TP53BP2: variants seen among roughly 807,000 people sequenced by gnomAD.
TP53BP2 encodes tumor protein p53 binding protein 2, also known as apoptosis-stimulating of p53 protein 2.
Under a neutral mutation model 126.2 loss-of-function variants are expected in TP53BP2, and 62 were observed. That is an observed-to-expected ratio of 0.49 (90% confidence interval 0.40 to 0.61). The LOEUF (loss-of-function observed/expected upper bound fraction) is 0.61. TP53BP2 is among the 20% of genes least tolerant of loss of function. The pLI is 0.00. For synonymous variants in TP53BP2, 485 were observed against 502.9 expected (o/e 0.96, Z 0.48); for missense variants, 1,215 against 1,402.8 (o/e 0.87, Z 2.14).
intron 4 of TP53BP2, among the ~76,000 whole-genome samples, chr1:223,808,520 G>A (rs553864663): frequency 2.0e-4 from 29 of 147,004 alleles, no homozygotes; most frequent in African/African-American, 7.2e-4. Flanking sequence ...CAGCCTAGGC[G>A]ACAGAGTGAG....
intron 16 of TP53BP2, among the ~76,000 whole-genome samples, chr1:223,786,260 C>T (rs918102210): frequency 6.6e-6 from 1 of 152,080 alleles, no homozygotes; most frequent in African/African-American, 2.4e-5. Flanking sequence ...GAATGCTAAA[C>T]GTAAAAGCGG....
chr1:223,811,452 A>AT (rs1439191868), intron 3 of TP53BP2, among the ~76,000 whole-genome samples: 6 of 152,200 alleles, frequency 3.9e-5, no homozygotes, highest in African/African-American at 1.4e-4. Context: ...TAATTCTAAT[A>AT]TGATCAGCTT....
In TP53BP2 at chr1:223,793,368, G is replaced by C; in HGVS notation, c.2797C>G (p.Leu933Val). The change falls in exon 14 of 18, where the codon CTT becomes GTT. Residue 933 changes from leucine to valine, a missense_variant. Around this residue, in one of 4 missense-constraint regions of TP53BP2, gnomAD observed 204 missense variants for 225.7 expected, o/e 0.90. Coordinates refer to ENST00000343537, the MANE Select transcript of TP53BP2 (RefSeq NM_001031685.3). ...AAAGACGAATCTAGCAGTAAAGCAA[G>C]GGGGTTGAATTTCACCCTCATTCCA... ...AHGMRVKFNP[L>V]ALLLDSSLEG... 3 of 1,611,912 alleles carry C rather than the reference G, an allele frequency of 1.9e-6. No homozygotes were observed. The highest frequency in any genetic ancestry group is 2.5e-6 in the Non-Finnish European group (3 of 1,179,044).
intron 2 of TP53BP2, among the ~76,000 whole-genome samples, chr1:223,819,055 T>C (rs995452396): frequency 4.0e-5 from 6 of 151,574 alleles, no homozygotes; most frequent in Admixed American, 3.9e-4. Flanking sequence ...TGGTGGCGTA[T>C]GCCTGTAATC....
intron 4 of TP53BP2, among the ~76,000 whole-genome samples, chr1:223,809,865 T>C (rs1290948695): frequency 1.2e-4 from 18 of 152,258 alleles, no homozygotes; most frequent in South Asian, 2.1e-4. Flanking sequence ...TCACTCTTGT[T>C]GCCCAGGCTG....
intron 2 of TP53BP2, among the ~76,000 whole-genome samples, chr1:223,816,164 T>C (rs970839850): frequency 6.6e-6 from 1 of 152,236 alleles, no homozygotes; most frequent in African/African-American, 2.4e-5. Flanking sequence ...ATTATAAATG[T>C]CTGTGGATAC....
intron 1 of TP53BP2, among the ~76,000 whole-genome samples, chr1:223,832,379 T>G (rs1034827598): frequency 6.6e-6 from 1 of 152,192 alleles, no homozygotes; most frequent in Non-Finnish European, 1.5e-5. Flanking sequence ...TGTAGAGAGA[T>G]TAGGGGAAAA....
chr1:223,831,470 AAAAAAAAAAAAT>A (rs1482217588), intron 1 of TP53BP2, among the ~76,000 whole-genome samples: 4 of 33,546 alleles, frequency 1.2e-4, no homozygotes, highest in African/African-American at 5.3e-4. Context: ...ACCATCTAAA[AAAAAAAAAAAAT>A]ATATATATAT....
chr1:223,806,223 G>A (rs1261005866), intron 5 of TP53BP2, among the ~76,000 whole-genome samples: 2 of 152,124 alleles, frequency 1.3e-5, no homozygotes, highest in African/African-American at 4.8e-5. Flanking sequence ...GTGGCCCAGA[G>A]TAGTTCCTAG....
At position 223,792,520 on chromosome 1, in the gene TP53BP2, A is replaced by G. The variant is rs1165653448; in HGVS notation, c.2865T>C (p.Val955=). The change falls in exon 15 of 18, where the codon GTT becomes GTC. Residue 955 remains valine (V), a splice_region_variant and synonymous_variant. Coordinates refer to ENST00000343537, the MANE Select transcript of TP53BP2 (RefSeq NM_001031685.3). ...FDLVQRIIYE[V]DDPSLPNDEG... ...CATCATTGGGGAGGCTTGGGTCATCAACCTATATCAAGAAGAAGGGTGAGC... is the reference window on the plus strand; with the variant it reads ...CATCATTGGGGAGGCTTGGGTCATCGACCTATATCAAGAAGAAGGGTGAGC... The G allele has an allele frequency of 1.2e-6, 2 of 1,613,886 alleles. No homozygotes were observed. The highest frequency in any genetic ancestry group is 1.1e-5 in the South Asian group (1 of 91,058).
intron 3 of TP53BP2, among the ~76,000 whole-genome samples, chr1:223,812,841 C>T (rs187683307): frequency 2.0e-4 from 31 of 152,192 alleles, no homozygotes; most frequent in Admixed American, 8.5e-4. Flanking sequence ...GGATTACAGG[C>T]GTGAGCCACC....
chr1:223,808,312 C>G (rs1045284047), intron 4 of TP53BP2, among the ~76,000 whole-genome samples: 1 of 141,234 alleles, frequency 7.1e-6, no homozygotes, highest in Admixed American at 6.7e-5. Context: ...CACCTGAGGT[C>G]AGTGGATCAC....
rs1209744882 is a variant in TP53BP2 at position 223,804,230 on chromosome 1, T to C, written c.593A>G (p.Lys198Arg). ...CACGTGGCCTTTAAGTGCTCTCACT[T>C]TTTTTAGCTTAGCTTCCTGATTCTC... ...IAENQEAKLK[K>R]VRALKGHVEQ... Residue 198 changes from lysine to arginine, a missense_variant, in exon 6 of 18, where the codon AAA becomes AGA. This residue lies in a region of TP53BP2 where 814 missense variants were observed against 853.0 expected (regional missense o/e 0.95). Transcript: ENST00000343537. The C allele has an allele frequency of 5.0e-6, 8 of 1,614,186 alleles. No homozygotes were observed. Among genetic ancestry groups the C allele is most frequent in the Middle Eastern group, 1.7e-4 (1 of 6,060 alleles).
In TP53BP2 at chr1:223,803,384, T is replaced by C; in HGVS notation, c.718A>G (p.Lys240Glu). The change falls in exon 7 of 18, where the codon AAA becomes GAA. Residue 240 changes from lysine (K) to glutamate (E), a missense_variant. By Grantham distance (56) the Lys-to-Glu change is moderately conservative. Coordinates refer to ENST00000343537, the MANE Select transcript of TP53BP2 (RefSeq NM_001031685.3). ...AGCTGCCTGGTCAGTTCTTCTACTT[T>C]TGACACAGCCAGGACGAGCTCCCTC... is the stretch of plus-strand genomic sequence containing the variant. ...KQRELVLAVSKVEELTRQLEM... is the reference protein window; with the variant it reads ...KQRELVLAVSEVEELTRQLEM... 1 of 1,613,992 alleles carries C rather than the reference T, an allele frequency of 6.2e-7. No individual in the cohort carries two copies. The highest frequency in any genetic ancestry group is 8.5e-7 in the Non-Finnish European group (1 of 1,179,938).
chr1:223,818,184 T>A lies in TP53BP2; in HGVS notation c.175+3036A>T, dbSNP rs1663158717. ...AGGGGAATCGCTTAGGACAGAGACA[T>A]CCATTCTGTTTATATTATTACCTTT... is the stretch of plus-strand genomic sequence containing the variant. On this transcript the variant is annotated intron_variant, in intron 2 of 17. Coordinates refer to ENST00000343537, the MANE Select transcript of TP53BP2 (RefSeq NM_001031685.3). 2.6e-5 allele frequency: 4 copies of A among 152,524 alleles called. No individual in the cohort carries two copies. The South Asian group carries it at 8.3e-4, about 32-fold the overall frequency. 9.4% of individuals were successfully genotyped at this position (152,524 alleles called of 1,614,324 possible). A position where few individuals can be genotyped will look rare whatever the true frequency, so the allele number is the denominator to read the frequency against.
chr1:223,802,036 A>C, intron 9 of TP53BP2, 80 bp downstream of exon 9: 1 of 1,362,634 alleles, frequency 7.3e-7, no homozygotes, highest in Non-Finnish European at 1.0e-6. Context: ...AATGAATACA[A>C]AGAGAGATTT....
intron 2 of TP53BP2, among the ~76,000 whole-genome samples, chr1:223,816,852 T>TAAAAAA (rs201147138): frequency 1.4e-5 from 2 of 139,900 alleles, no homozygotes; most frequent in African/African-American, 5.2e-5. Context: ...ATATACACAT[T>TAAAAAA]AAAAAAAAAA....
chr1:223,845,179 T>A (rs1664223175), intron 1 of TP53BP2: 1 of 934,500 alleles, frequency 1.1e-6, no homozygotes, highest in East Asian at 1.2e-4. Flanking sequence ...TAAGGGTGAC[T>A]TAGCTGCTAC....
chr1:223,820,208 A>G (rs995346534), intron 2 of TP53BP2, among the ~76,000 whole-genome samples: 16 of 152,358 alleles, frequency 1.1e-4, no homozygotes, highest in African/African-American at 3.4e-4. Flanking sequence ...AGCTTAGCAT[A>G]TTCGAGAAAT....
Sources: allele counts gnomAD v4.1 joint callset (sites outside exome capture counted in the v4.1 genomes callset), GRCh38; gene constraint gnomAD v4.1.1; regional missense constraint gnomAD v4.1.1; transcripts MANE v1.5; gene names NCBI Gene and HGNC (gene_info 2026-07-23, HGNC 2026-07-21).